The following KCNJ6 variants were observed in gnomAD, a reference collection of about 807,000 sequenced individuals.
KCNJ6 encodes potassium inwardly rectifying channel subfamily J member 6, also known as G protein-activated inward rectifier potassium channel 2.
Under a neutral mutation model 34.2 loss-of-function variants are expected in KCNJ6, and 9 were observed. The observed-to-expected ratio is 0.26, with a 90% CI of 0.16 to 0.46. KCNJ6 has a LOEUF of 0.46. Ranked by LOEUF, KCNJ6 falls within the 20% of genes least tolerant of loss-of-function variation. The probability of loss-of-function intolerance (pLI) is 1.00; values close to 1 mark genes in which losing one functional copy is unlikely to be tolerated. For missense variants in KCNJ6, 236 were observed against 531.3 expected (o/e 0.44, Z 5.46); for synonymous variants, 196 against 207.1 (o/e 0.95, Z 0.46).
chr21:37,744,657 GC>G (rs2054958018), intron 2 of KCNJ6, among the ~76,000 whole-genome samples: 1 of 152,170 alleles, frequency 6.6e-6, no homozygotes, highest in Admixed American at 6.5e-5. Context: ...AATAACTGAA[GC>G]TTGGCAGGCC....
At chr21:37,868,449 G>A (rs563684632) in intron 1 of KCNJ6, among the ~76,000 whole-genome samples, 1 of 152,290 alleles carries the variant, frequency 6.6e-6, no homozygotes, top group African/African-American at 2.4e-5. Flanking sequence ...ATCAAGAGAA[G>A]CATTTGGAAA....
chr21:37,829,598 G>A (rs922183785), intron 2 of KCNJ6, among the ~76,000 whole-genome samples: 9 of 152,188 alleles, frequency 5.9e-5, no homozygotes, highest in Non-Finnish European at 1.2e-4. Context: ...GATGGTGGCC[G>A]CCTGGCTCAG....
At chr21:37,857,881 C>T (rs928050457) in intron 1 of KCNJ6, among the ~76,000 whole-genome samples, 3 of 151,816 alleles carry the variant, frequency 2.0e-5, no homozygotes, top group African/African-American at 7.3e-5. Context: ...GAAATAGAGG[C>T]CATATTTATT....
chr21:37,879,714 AGTGTGTGTGTGTGTGTGTGTGT>A (rs56736533), intron 1 of KCNJ6, among the ~76,000 whole-genome samples: 11 of 143,376 alleles, frequency 7.7e-5, no homozygotes, highest in South Asian at 4.6e-4. Flanking sequence ...CTTGAAATGA[AGTGTGTGTGTGTGTGTGTGTGT>A]GTGTGTGTGT....
Position 37,749,172 on chromosome 21 carries a change from T to C in KCNJ6, c.26-34041A>G, listed in dbSNP as rs369546684. 5.4e-4 allele frequency among the ~76,000 whole-genome samples: 82 copies of C among 152,042 alleles called. 3 individuals carry two copies. Among genetic ancestry groups the C allele is most frequent in the East Asian group, 2.9e-3 (15 of 5,172 alleles). On this transcript the variant is annotated intron_variant, in intron 2 of 3. Coordinates refer to ENST00000609713, the MANE Select transcript of KCNJ6 (RefSeq NM_002240.5). The stretch of plus-strand genomic sequence containing the variant: ...CATGGGGTCATTTTCAGGTGACAGG[T>C]GGGGTAACAGCCACAGGTATGCAAA...
chr21:37,892,854 G>GTTTT (rs778761855), intron 1 of KCNJ6, among the ~76,000 whole-genome samples: 4 of 138,400 alleles, frequency 2.9e-5, no homozygotes, highest in Non-Finnish European at 3.1e-5. Context: ...TTCTTTCATA[G>GTTTT]TTTTTTTTTT....
chr21:37,735,093 C>T (rs2054906015), intron 2 of KCNJ6, among the ~76,000 whole-genome samples: 1 of 152,092 alleles, frequency 6.6e-6, no homozygotes, highest in Non-Finnish European at 1.5e-5. Context: ...CCCTATTGTC[C>T]TCAGCGTGCA....
chr21:37,856,137 G>T (rs994111927), intron 1 of KCNJ6, among the ~76,000 whole-genome samples: 1 of 152,164 alleles, frequency 6.6e-6, no homozygotes, highest in African/African-American at 2.4e-5. Flanking sequence ...GAAGGGGAGG[G>T]AAGAGGTCCA....
intron 2 of KCNJ6, among the ~76,000 whole-genome samples, chr21:37,788,449 C>T (rs2055202003): frequency 6.6e-6 from 1 of 152,088 alleles, no homozygotes; most frequent in African/African-American, 2.4e-5. Context: ...ATAATTTGAC[C>T]AATGTGCCTG....
intron 3 of KCNJ6, among the ~76,000 whole-genome samples, chr21:37,667,065 G>A (rs564488077): frequency 1.4e-5 from 2 of 145,192 alleles, no homozygotes; most frequent in South Asian, 2.2e-4. Flanking sequence ...TTGTTCACCT[G>A]TTTATCTGCT....
At chr21:37,751,251 A>C (rs1177787694) in intron 2 of KCNJ6, among the ~76,000 whole-genome samples, 1 of 152,240 alleles carries the variant, frequency 6.6e-6, no homozygotes, top group Non-Finnish European at 1.5e-5. Flanking sequence ...CCAATCTCTC[A>C]CTGGAATATT....
intron 1 of KCNJ6, among the ~76,000 whole-genome samples, chr21:37,860,673 C>T (rs762976288): frequency 1.3e-5 from 2 of 152,148 alleles, no homozygotes; most frequent in Non-Finnish European, 2.9e-5. Flanking sequence ...AGTCCTTCCC[C>T]GGGGCCATTG....
At position 37,608,124 on chromosome 21, in the gene KCNJ6, C is replaced by T. The variant is rs1305172818; in HGVS notation, c.*17035G>A. On this transcript the variant is annotated 3_prime_UTR_variant, in exon 4 of 4. Coordinates refer to ENST00000609713, the MANE Select transcript of KCNJ6 (RefSeq NM_002240.5). ...TATCAATAATACTGTTCATGCTATT[C>T]GTTTCTTAGTCCTTGTCCTTAGCCT... The T allele has an allele frequency of 3.3e-5, 5 of 152,126 alleles. No homozygotes were observed. The highest frequency in any genetic ancestry group is 6.5e-5 in the Admixed American group (1 of 15,268). The allele number at this position is 152,126 out of a possible 1,614,324, so 9.4% of individuals were successfully genotyped here. A position where few individuals can be genotyped will look rare whatever the true frequency, so the allele number is the denominator to read the frequency against.
intron 3 of KCNJ6, among the ~76,000 whole-genome samples, chr21:37,669,741 A>G (rs936361343): frequency 8.5e-5 from 13 of 152,220 alleles, no homozygotes; most frequent in Admixed American, 7.8e-4. Context: ...ACAGAATTGT[A>G]GCTGGAATAA....
At chr21:37,719,473 A>AG (rs2054812829) in intron 2 of KCNJ6, 1 of 152,224 alleles carries the variant, frequency 6.6e-6, no homozygotes, top group African/African-American at 2.4e-5. Context: ...CTGATGACAC[A>AG]GGCAACTTCT....
At chr21:37,834,530 G>A (rs2055442292) in intron 2 of KCNJ6, among the ~76,000 whole-genome samples, 5 of 152,226 alleles carry the variant, frequency 3.3e-5, no homozygotes, top group Admixed American at 3.3e-4. Flanking sequence ...GCCCCCAAAT[G>A]TTGCGCCTGG....
At chr21:37,844,766 C>A (rs977977786) in intron 1 of KCNJ6, among the ~76,000 whole-genome samples, 1 of 152,122 alleles carries the variant, frequency 6.6e-6, no homozygotes, top group Non-Finnish European at 1.5e-5. Flanking sequence ...TCTGCTGGCT[C>A]CCCTGCTCTT....
intron 2 of KCNJ6, among the ~76,000 whole-genome samples, chr21:37,810,925 G>A (rs989249790): frequency 7.2e-5 from 11 of 151,948 alleles, no homozygotes; most frequent in Admixed American, 1.3e-4. Context: ...GTAATTTCCC[G>A]TAATTTTATT....
At chr21:37,879,196 G>T (rs1177329727) in intron 1 of KCNJ6, among the ~76,000 whole-genome samples, 1 of 152,108 alleles carries the variant, frequency 6.6e-6, no homozygotes, top group Non-Finnish European at 1.5e-5. Context: ...CCCCCAAATT[G>T]CTCAGTGTCT....
Sources: allele counts gnomAD v4.1 joint callset (sites outside exome capture counted in the v4.1 genomes callset), GRCh38; gene constraint gnomAD v4.1.1; transcripts MANE v1.5; gene names NCBI Gene and HGNC (gene_info 2026-07-23, HGNC 2026-07-21).